GUCY2C: variants seen among roughly 807,000 people sequenced by gnomAD.
GUCY2C encodes the protein guanylyl cyclase C.
A neutral mutation model predicts 131.1 loss-of-function variants in GUCY2C; 118 were observed. That is an observed-to-expected ratio of 0.90 (90% CI 0.78 to 1.05). The LOEUF is 1.05. GUCY2C is among the 50% of genes least tolerant of loss of function. GUCY2C has a pLI of 0.00. For missense variants in GUCY2C, 1,161 were observed against 1,304.4 expected, an observed-to-expected ratio of 0.89 and a Z score of 1.69; for synonymous variants, 452 against 457.8, an observed-to-expected ratio of 0.99 and a Z score of 0.16.
At chr12:14,642,173 G>C (rs1019143324) in intron 17 of GUCY2C, among the ~76,000 whole-genome samples, 58 of 152,000 alleles carry the variant, frequency 3.8e-4, no homozygotes, top group African/African-American at 1.4e-3. Context: ...TCTTAAAAAA[G>C]TATCGCATGT....
At chr12:14,644,519 T>A (rs1416655939) in intron 16 of GUCY2C, among the ~76,000 whole-genome samples, 2 of 152,204 alleles carry the variant, frequency 1.3e-5, no homozygotes, top group African/African-American at 2.4e-5. Flanking sequence ...TTTTTCAAAC[T>A]GATTCTGAAC....
chr12:14,677,443 A>G (rs1381605183), intron 6 of GUCY2C, among the ~76,000 whole-genome samples: 1 of 152,236 alleles, frequency 6.6e-6, no homozygotes, highest in Non-Finnish European at 1.5e-5. Flanking sequence ...GATATATGGA[A>G]CATTAGCTTA....
At chr12:14,626,708 T>C (rs1219613986) in intron 20 of GUCY2C, among the ~76,000 whole-genome samples, 1 of 152,210 alleles carries the variant, frequency 6.6e-6, no homozygotes, top group Non-Finnish European at 1.5e-5. Flanking sequence ...CAAATTAGTA[T>C]AGTTGAATAC....
intron 21 of GUCY2C, among the ~76,000 whole-genome samples, chr12:14,624,631 G>T (rs1946968450): frequency 6.6e-6 from 1 of 152,112 alleles, no homozygotes; most frequent in Admixed American, 6.5e-5. Context: ...TATTGCTCAT[G>T]CATGTTTTAG....
intron 17 of GUCY2C, among the ~76,000 whole-genome samples, chr12:14,641,886 G>A (rs987426588): frequency 1.3e-5 from 2 of 151,192 alleles, no homozygotes; most frequent in African/African-American, 4.9e-5. Context: ...GCAGTGAGAC[G>A]AGATCACACC....
chr12:14,644,178 C>A (rs1947464834), intron 16 of GUCY2C, among the ~76,000 whole-genome samples: 1 of 129,686 alleles, frequency 7.7e-6, no homozygotes, highest in Non-Finnish European at 1.7e-5. Context: ...ATGTTTCATT[C>A]ATTCTGTTTC....
chr12:14,635,632 GA>G, intron 19 of GUCY2C, among the ~76,000 whole-genome samples: 1 of 151,686 alleles, frequency 6.6e-6, no homozygotes, highest in African/African-American at 2.4e-5. Context: ...AATAGAGGTT[GA>G]AAAAATAATA....
At chr12:14,657,316 C>T (rs1316033067) in intron 11 of GUCY2C, among the ~76,000 whole-genome samples, 1 of 152,218 alleles carries the variant, frequency 6.6e-6, no homozygotes, top group Non-Finnish European at 1.5e-5. Context: ...AGAGAGAATA[C>T]ACCAGATCCC....
At chr12:14,665,678 TG>T (rs1947964738) in intron 10 of GUCY2C, 1 of 152,222 alleles carries the variant, frequency 6.6e-6, no homozygotes, top group African/African-American at 2.4e-5. Flanking sequence ...AAATCTGCAT[TG>T]TCCATTGCTA....
In GUCY2C at chr12:14,622,018, T is replaced by C; in HGVS notation, c.2588A>G (p.His863Arg). Reference sequence around the variant, plus strand: ...TGATGTGGTTACCTTGTAGACATCATGATGATCAACAATGTGGTCAAAACT... The same window carrying C: ...TGATGTGGTTACCTTGTAGACATCACGATGATCAACAATGTGGTCAAAACT... ...YKSFDHIVDH[H>R]DVYKVETIGD... The change falls in exon 22 of 27, where the codon CAT (histidine) becomes CGT (arginine). Residue 863 changes from histidine to arginine, a missense_variant. Physicochemically the swap from His to Arg is conservative, Grantham distance 29. Coordinates refer to ENST00000261170, the MANE Select transcript of GUCY2C (RefSeq NM_004963.4). The C allele has an allele frequency of 6.2e-7, 1 of 1,602,768 alleles. No individual in the cohort carries two copies. Among genetic ancestry groups the C allele is most frequent in the South Asian group, 1.1e-5 (1 of 88,724 alleles).
At chr12:14,644,262 A>G (rs950322531) in intron 16 of GUCY2C, among the ~76,000 whole-genome samples, 2 of 152,204 alleles carry the variant, frequency 1.3e-5, no homozygotes, top group African/African-American at 4.8e-5. Context: ...GCTACTCAGG[A>G]AGCTGAGGCA....
chr12:14,681,912 A>G (rs1364054043), intron 4 of GUCY2C, among the ~76,000 whole-genome samples: 1 of 152,158 alleles, frequency 6.6e-6, no homozygotes, highest in East Asian at 1.9e-4. Context: ...CCTTGAATCT[A>G]CAGTACAAAA....
At chr12:14,635,389 G>T (rs1382214173) in intron 19 of GUCY2C, among the ~76,000 whole-genome samples, 5 of 151,968 alleles carry the variant, frequency 3.3e-5, no homozygotes, top group Non-Finnish European at 5.9e-5. Flanking sequence ...GAAATTAGGA[G>T]AAATTATAAA....
At chr12:14,677,322 T>C (rs1442231887) in intron 6 of GUCY2C, among the ~76,000 whole-genome samples, 1 of 152,166 alleles carries the variant, frequency 6.6e-6, no homozygotes, top group Non-Finnish European at 1.5e-5. Context: ...TTTAACAATT[T>C]AGAGATATTG....
chr12:14,682,882 G>C (rs534105606), intron 4 of GUCY2C, among the ~76,000 whole-genome samples, 160 bp downstream of exon 4: 3 of 152,188 alleles, frequency 2.0e-5, no homozygotes, highest in Admixed American at 1.3e-4. Context: ...ATATTTACTT[G>C]GTCCCCTTTG....
chr12:14,647,947 CTTATTTAT>C (rs148784736), intron 15 of GUCY2C, among the ~76,000 whole-genome samples: 66 of 148,672 alleles, frequency 4.4e-4, no homozygotes, highest in African/African-American at 1.5e-3. Flanking sequence ...CATCTTTTTA[CTTATTTAT>C]TTATTTATTT....
intron 1 of GUCY2C, among the ~76,000 whole-genome samples, chr12:14,691,740 A>G (rs1316922028): frequency 6.6e-6 from 1 of 152,192 alleles, no homozygotes; most frequent in Non-Finnish European, 1.5e-5. Flanking sequence ...ACCCTGGCAC[A>G]GTGCCTGGGA....
Position 14,628,580 on chromosome 12 carries a change from G to A in GUCY2C, c.2249+66C>T. ...GACATTCTCATTCTAAGGTGCCACT[G>A]AATGTCAACTATAATTTTTTTAAAA... On this transcript the variant is annotated intron_variant, in intron 20 of 26. Coordinates refer to ENST00000261170, the MANE Select transcript of GUCY2C (RefSeq NM_004963.4). 4 of 875,882 alleles carry A rather than the reference G, an allele frequency of 4.6e-6. No homozygotes were observed. The South Asian group carries it at 5.3e-5, about 12-fold the overall frequency. The allele number at this position is 875,882 out of a possible 1,614,324, so 54.3% of individuals were successfully genotyped here.
chr12:14,627,522 GC>G (rs1259888777), intron 20 of GUCY2C, among the ~76,000 whole-genome samples: 4 of 152,274 alleles, frequency 2.6e-5, no homozygotes, highest in South Asian at 2.1e-4. Context: ...ACCTTTGACT[GC>G]ATATTTTAAT....
Sources: gnomAD v4.1 joint callset for allele counts (sites outside exome capture counted in the v4.1 genomes callset) on GRCh38, gnomAD v4.1.1 for gene constraint, MANE v1.5 for transcripts, NCBI Gene and HGNC (gene_info 2026-07-23, HGNC 2026-07-21) for gene names.